The following RIT2 variants were observed in gnomAD, a reference collection of about 807,000 sequenced individuals.
RIT2 encodes the protein GTP-binding protein Rit2.
In RIT2, 24 loss-of-function variants were observed where a neutral mutation model predicts 23.7. That is an observed-to-expected ratio of 1.01 (90% CI 0.73 to 1.43). The LOEUF is 1.43. RIT2 is among the 40% of genes most tolerant of loss of function. The probability of loss-of-function intolerance (pLI) is 0.00; values close to 1 mark genes in which losing one functional copy is unlikely to be tolerated. For missense variants in RIT2, 236 were observed against 266.9 expected (o/e 0.88, Z 0.81); for synonymous variants, 107 against 91.1 (o/e 1.17, Z -0.99).
At chr18:42,763,106 A>G (rs964432224) in intron 4 of RIT2, among the ~76,000 whole-genome samples, 42 of 152,194 alleles carry the variant, frequency 2.8e-4, no homozygotes, top group African/African-American at 1.0e-3. Flanking sequence ...ATTGTAGCAC[A>G]ATAGTAAGTA....
chr18:42,829,343 C>T (rs753165677), intron 4 of RIT2, among the ~76,000 whole-genome samples: 41 of 152,220 alleles, frequency 2.7e-4, no homozygotes, highest in Non-Finnish European at 4.1e-4. Flanking sequence ...CTATAAAACA[C>T]GCATCTCTTC....
intron 2 of RIT2, among the ~76,000 whole-genome samples, chr18:43,002,287 C>T (rs1363125327): frequency 1.3e-5 from 2 of 151,898 alleles, no homozygotes; most frequent in African/African-American, 4.8e-5. Context: ...CTTTCTTCTG[C>T]CTGCTTTTAT....
chr18:42,965,290 G>T (rs554640872), intron 3 of RIT2, among the ~76,000 whole-genome samples: 1 of 152,168 alleles, frequency 6.6e-6, no homozygotes, highest in Non-Finnish European at 1.5e-5. Context: ...ATAGACCCAA[G>T]AAATATTTTC....
At chr18:43,047,267 C>T (rs1912271260) in intron 1 of RIT2, among the ~76,000 whole-genome samples, 1 of 151,972 alleles carries the variant, frequency 6.6e-6, no homozygotes, top group Admixed American at 6.6e-5. Context: ...TCCCTCTTGC[C>T]ATATCCAACT....
chr18:42,813,837 C>A (rs759116056), intron 4 of RIT2, among the ~76,000 whole-genome samples: 1 of 152,182 alleles, frequency 6.6e-6, no homozygotes, highest in Non-Finnish European at 1.5e-5. Flanking sequence ...GACCCACAGA[C>A]GCTCTGAAGG....
At chr18:42,772,759 C>A (rs1360199631) in intron 4 of RIT2, among the ~76,000 whole-genome samples, 2 of 152,114 alleles carry the variant, frequency 1.3e-5, no homozygotes, top group South Asian at 4.1e-4. Context: ...GAACTGATCA[C>A]CAGAAAGGCC....
intron 1 of RIT2, among the ~76,000 whole-genome samples, chr18:43,055,851 T>C (rs546815454): frequency 1.3e-5 from 2 of 152,128 alleles, no homozygotes; most frequent in South Asian, 4.1e-4. Context: ...TAGGCAAGGA[T>C]GTGAATGCAG....
chr18:42,919,308 C>G (rs1297093124), intron 4 of RIT2, among the ~76,000 whole-genome samples: 2 of 152,104 alleles, frequency 1.3e-5, no homozygotes, highest in Non-Finnish European at 2.9e-5. Flanking sequence ...CTCAGTACTT[C>G]AAGAGTTACA....
chr18:42,756,976 A>C (rs1726837153), intron 4 of RIT2, among the ~76,000 whole-genome samples: 1 of 152,154 alleles, frequency 6.6e-6, no homozygotes, highest in Non-Finnish European at 1.5e-5. Context: ...CAATGTCTGG[A>C]TCTCCTGCAG....
At chr18:43,068,618 A>G (rs1912828937) in intron 1 of RIT2, among the ~76,000 whole-genome samples, 1 of 152,182 alleles carries the variant, frequency 6.6e-6, no homozygotes, top group African/African-American at 2.4e-5. Flanking sequence ...GGAGGCCAGT[A>G]GAAAGGTAAT....
intron 3 of RIT2, among the ~76,000 whole-genome samples, chr18:42,951,253 A>G (rs752255228): frequency 7.2e-5 from 11 of 152,146 alleles, no homozygotes; most frequent in Non-Finnish European, 1.3e-4. Flanking sequence ...AGACATAAAA[A>G]TAAATGAAAT....
At chr18:42,965,272 A>G (rs956016001) in intron 3 of RIT2, among the ~76,000 whole-genome samples, 32 of 152,230 alleles carry the variant, frequency 2.1e-4, no homozygotes, top group Non-Finnish European at 4.0e-4. Flanking sequence ...ATGGGAAGAA[A>G]GTGAATCATA....
intron 2 of RIT2, among the ~76,000 whole-genome samples, chr18:43,023,605 T>G (rs758156479): frequency 6.6e-6 from 1 of 152,114 alleles, no homozygotes; most frequent in African/African-American, 2.4e-5. Flanking sequence ...GCAACCTATG[T>G]TAAATTTTTC....
chr18:42,767,042 G>T (rs1913440272), intron 4 of RIT2, among the ~76,000 whole-genome samples: 2 of 152,232 alleles, frequency 1.3e-5, no homozygotes, highest in South Asian at 4.1e-4. Flanking sequence ...CCCTCATCAA[G>T]AACCTCTGCT....
At position 42,949,077 on chromosome 18, in the gene RIT2, G is replaced by A. The variant is rs923265827; in HGVS notation, c.234+24997C>T. The stretch of plus-strand genomic sequence containing the variant: ...GGGAGAAATTAAAATAGAGAGTGCT[G>A]CAGCAATACTTAGAACTTGGAGCTC... On this transcript the variant is annotated intron_variant, in intron 3 of 4. Coordinates refer to ENST00000326695, the MANE Select transcript of RIT2 (RefSeq NM_002930.4). 7.5e-6 allele frequency: 3 copies of A among 397,502 alleles called. No homozygotes were observed. The Admixed American group carries it at 1.3e-4, about 18-fold the overall frequency. The allele number at this position is 397,502 out of a possible 1,614,324, so 24.6% of individuals were successfully genotyped here. A position where few individuals can be genotyped will look rare whatever the true frequency, so the allele number is the denominator to read the frequency against.
chr18:43,003,072 C>T (rs933910295), intron 2 of RIT2, among the ~76,000 whole-genome samples: 3 of 151,876 alleles, frequency 2.0e-5, no homozygotes, highest in African/African-American at 7.2e-5. Context: ...GAAACATTCT[C>T]TTCTAGAGCC....
intron 4 of RIT2, among the ~76,000 whole-genome samples, chr18:42,844,773 C>A (rs1435017897): frequency 2.6e-5 from 4 of 152,108 alleles, no homozygotes; most frequent in African/African-American, 9.7e-5. Flanking sequence ...AATAGAAGTT[C>A]TCACTTTGGG....
At chr18:42,857,488 C>T (rs898150149) in intron 4 of RIT2, among the ~76,000 whole-genome samples, 2 of 152,132 alleles carry the variant, frequency 1.3e-5, no homozygotes, top group African/African-American at 4.8e-5. Context: ...AGCATAAGAG[C>T]TTATAATTGG....
At chr18:42,910,478 T>C (rs2046385441) in intron 4 of RIT2, among the ~76,000 whole-genome samples, 1 of 152,120 alleles carries the variant, frequency 6.6e-6, no homozygotes, top group South Asian at 2.1e-4. Flanking sequence ...CAGGCATTCC[T>C]GTTTTCCTGC....
Sources: allele counts gnomAD v4.1 joint callset (sites outside exome capture counted in the v4.1 genomes callset), GRCh38; gene constraint gnomAD v4.1.1; transcripts MANE v1.5; gene names NCBI Gene and HGNC (gene_info 2026-07-23, HGNC 2026-07-21).